PELO: variants seen among roughly 807,000 people sequenced by gnomAD.
The protein encoded by PELO is protein pelota homolog.
PELO carries 19 observed loss-of-function variants against 25.9 expected under a neutral mutation model. The ratio of observed to expected loss-of-function variants is 0.73; its 90% CI spans 0.51 to 1.08. The LOEUF (loss-of-function observed/expected upper bound fraction) is 1.08, where lower values mean the gene tolerates loss of function less well. Ranked by LOEUF, PELO falls within the 50% of genes least tolerant of loss-of-function variation. The probability of loss-of-function intolerance (pLI) is 0.00; values close to 1 mark genes in which losing one functional copy is unlikely to be tolerated. For synonymous variants in PELO, 196 were observed against 192.2 expected, an observed-to-expected ratio of 1.02 and a Z score of -0.16; for missense variants, 498 against 491.4, an observed-to-expected ratio of 1.01 and a Z score of -0.13.
intron 1 of PELO, among the ~76,000 whole-genome samples, chr5:52,789,282 T>A (rs1748193211): frequency 6.6e-6 from 1 of 152,248 alleles, no homozygotes; most frequent in Middle Eastern, 3.4e-3. Context: ...ATCGATAGAA[T>A]CTCTGTGTGA....
rs1429785509 is a variant in PELO at position 52,796,987 on chromosome 5, G to T, written c.-510-2898G>T. On this transcript the variant is annotated intron_variant, in intron 1 of 2. Coordinates refer to ENST00000274311, the MANE Select transcript of PELO (RefSeq NM_015946.5). ...AGGTTACTTTCAAGGTGGAATATAG[G>T]GTGCCCTGAGGGGAAAAGTGGGAAG... Among the ~76,000 whole-genome samples the T allele has an allele frequency of 2.0e-5, 3 of 152,166 alleles. No homozygotes were observed. In the East Asian group the frequency reaches 5.8e-4, roughly 29 times the overall value.
In PELO at chr5:52,801,834, G is replaced by A; in HGVS notation, c.1152G>A (p.Glu384=). ...AAGAGGGTGATTCCAGTTCTGAAGA[G>A]GATTAATGATTGAAACTTAAAATTG... ...SDQEGDSSSE[E]D The change falls in exon 3 of 3, where the codon GAG becomes GAA. Residue 384 remains glutamate, a synonymous_variant. Coordinates refer to ENST00000274311, the MANE Select transcript of PELO (RefSeq NM_015946.5). 1.3e-6 allele frequency: 2 copies of A among 1,584,398 alleles called. No individual in the cohort carries two copies. Among genetic ancestry groups the A allele is most frequent in the Non-Finnish European group, 1.7e-6 (2 of 1,163,590 alleles).
intron 1 of PELO, among the ~76,000 whole-genome samples, chr5:52,789,761 C>G (rs1006299561): frequency 1.3e-5 from 2 of 152,148 alleles, no homozygotes; most frequent in African/African-American, 4.8e-5. Flanking sequence ...TGTGCAAAAT[C>G]TGAATACAGT....
At chr5:52,793,845 A>G (rs1039673342) in intron 1 of PELO, among the ~76,000 whole-genome samples, 1 of 152,048 alleles carries the variant, frequency 6.6e-6, no homozygotes, top group Non-Finnish European at 1.5e-5. Flanking sequence ...AAAGGTGACA[A>G]TAAAGTAATC....
In PELO at chr5:52,797,591, G is replaced by C. The variant is rs1580024304; in HGVS notation, c.-510-2294G>C. Among the ~76,000 whole-genome samples, 3 of 152,084 alleles carry C rather than the reference G, an allele frequency of 2.0e-5. No homozygotes were observed. The East Asian group carries it at 5.8e-4, about 29-fold the overall frequency. Reference sequence around the variant, plus strand: ...CAAGCTGTGAGTTTTTGTTTAGCTGGTAAAGGTGACAGTTGAGGGGAAGTG... The same window carrying C: ...CAAGCTGTGAGTTTTTGTTTAGCTGCTAAAGGTGACAGTTGAGGGGAAGTG... On this transcript the variant is annotated intron_variant, in intron 1 of 2. Coordinates refer to ENST00000274311, the MANE Select transcript of PELO (RefSeq NM_015946.5).
intron 1 of PELO, among the ~76,000 whole-genome samples, chr5:52,793,110 A>G (rs189314019): frequency 7.1e-4 from 108 of 152,120 alleles, no homozygotes; most frequent in African/African-American, 2.6e-3. Context: ...ATTGGACCCT[A>G]CCTTAGGACA....
rs1748444302 is a variant in PELO, at chr5:52,800,412, G to T, written c.18G>T (p.Lys6Asn). 1.9e-6 allele frequency: 3 copies of T among 1,614,006 alleles called. No individual in the cohort carries two copies. Among genetic ancestry groups the T allele is most frequent in the South Asian group, 1.1e-5 (1 of 91,062 alleles). ...CCTTGGCCATGAAGCTCGTGAGGAA[G>T]AACATCGAGAAGGACAATGCGGGCC... The part of the protein sequence containing the change: MKLVR[K>N]NIEKDNAGQV... The change falls in exon 2 of 3, where the codon AAG becomes AAT. Residue 6 changes from lysine (K) to asparagine (N), a missense_variant. By Grantham distance (94) the Lys-to-Asn change is moderately conservative. Transcript: ENST00000274311.
chr5:52,804,029 C>T lies in PELO; in HGVS notation c.*2189C>T, dbSNP rs1748542747. ...ATGAATTATTAAATAAAATTTAACTCATTTTTAAGAAATTACATTTTCTGT... is the reference window on the plus strand; with the variant it reads ...ATGAATTATTAAATAAAATTTAACTTATTTTTAAGAAATTACATTTTCTGT... On this transcript the variant is annotated 3_prime_UTR_variant, in exon 3 of 3. Coordinates refer to ENST00000274311, the MANE Select transcript of PELO (RefSeq NM_015946.5). 6.6e-6 allele frequency: 1 copy of T among 152,064 alleles called. No homozygotes were observed. The highest frequency in any genetic ancestry group is 2.4e-5 in the African/African-American group (1 of 41,390). The allele number at this position is 152,064 out of a possible 1,614,324, so 9.4% of individuals were successfully genotyped here.
intron 1 of PELO, among the ~76,000 whole-genome samples, chr5:52,792,293 C>T (rs1748257134): frequency 6.6e-6 from 1 of 152,094 alleles, no homozygotes; most frequent in Non-Finnish European, 1.5e-5. Flanking sequence ...AGGAAGTCAG[C>T]CACTTATTCA....
At position 52,803,956 on chromosome 5, in the gene PELO, C is replaced by CA. The variant is rs1288999209; in HGVS notation, c.*2117dup. On this transcript the variant is annotated 3_prime_UTR_variant, in exon 3 of 3. Coordinates refer to ENST00000274311, the MANE Select transcript of PELO (RefSeq NM_015946.5). ...AGGTCTTTCAAAAAAGTTAACTGGC[C>CA]ATACTCAACTGTCTATAAAACCTCT... The CA allele has an allele frequency of 9.9e-5, 15 of 152,102 alleles. No individual in the cohort carries two copies. Among genetic ancestry groups the CA allele is most frequent in the African/African-American group, 2.9e-4 (12 of 41,420 alleles). The allele number at this position is 152,102 out of a possible 1,614,324, so 9.4% of individuals were successfully genotyped here. A position where few individuals can be genotyped will look rare whatever the true frequency, so the allele number is the denominator to read the frequency against.
chr5:52,789,739 T>C (rs1185423910), intron 1 of PELO, among the ~76,000 whole-genome samples: 1 of 152,200 alleles, frequency 6.6e-6, no homozygotes, highest in Admixed American at 6.5e-5. Context: ...TTAGATTGTA[T>C]TTTGTTGTTT....
chr5:52,793,568 C>T (rs946302326), intron 1 of PELO, among the ~76,000 whole-genome samples: 3 of 151,980 alleles, frequency 2.0e-5, no homozygotes, highest in African/African-American at 7.2e-5. Flanking sequence ...AAATTACAAT[C>T]AATAATATAC....
intron 2 of PELO, 30 bp from the exon 3 acceptor site, chr5:52,801,379 T>G: frequency 6.4e-7 from 1 of 1,566,646 alleles, no homozygotes; most frequent in Non-Finnish European, 8.7e-7. Flanking sequence ...AGGAGATTAT[T>G]TTGCCTAACT....
chr5:52,800,126 G>C lies in PELO; in HGVS notation c.-269G>C. The C allele has an allele frequency of 2.3e-6, 1 of 429,974 alleles. No homozygotes were observed. Among genetic ancestry groups the C allele is most frequent in the Non-Finnish European group, 4.2e-6 (1 of 237,746 alleles). 26.6% of individuals were successfully genotyped at this position (429,974 alleles called of 1,614,324 possible). On this transcript the variant is annotated 5_prime_UTR_variant, in exon 2 of 3. Coordinates refer to ENST00000274311, the MANE Select transcript of PELO (RefSeq NM_015946.5). ...GTCAGCCCGCTGTTGCGTGCTGCCAGCGGGAACTGTGTAGGGGTAGATTTT... is the reference window on the plus strand; with the variant it reads ...GTCAGCCCGCTGTTGCGTGCTGCCACCGGGAACTGTGTAGGGGTAGATTTT...
intron 1 of PELO, among the ~76,000 whole-genome samples, chr5:52,790,900 A>C (rs1561208431): frequency 6.6e-6 from 1 of 152,126 alleles, no homozygotes. Flanking sequence ...CATAATCCTC[A>C]TGTTCATTTT....
chr5:52,798,345 G>C (rs1748386551), intron 1 of PELO, among the ~76,000 whole-genome samples: 1 of 152,122 alleles, frequency 6.6e-6, no homozygotes, highest in Non-Finnish European at 1.5e-5. Context: ...ATAAGTAGTG[G>C]TTCTTATTTG....
At chr5:52,797,880 A>G (rs1262825566) in intron 1 of PELO, among the ~76,000 whole-genome samples, 1 of 152,238 alleles carries the variant, frequency 6.6e-6, no homozygotes, top group Non-Finnish European at 1.5e-5. Flanking sequence ...GCTCTTCAAT[A>G]AAAACCTTTT....
Position 52,788,253 on chromosome 5 carries a change from C to G in PELO, c.-672C>G. On this transcript the variant is annotated 5_prime_UTR_variant, in exon 1 of 3. Coordinates refer to ENST00000274311, the MANE Select transcript of PELO (RefSeq NM_015946.5). ...GCCACTGGGGCAGAGGACTGGGAAC[C>G]GCGGCAGCGGGATAAGTGGCCCAGC... 1 of 916,966 alleles carries G rather than the reference C, an allele frequency of 1.1e-6. No individual in the cohort carries two copies. Among genetic ancestry groups the G allele is most frequent in the Non-Finnish European group, 1.5e-6 (1 of 656,604 alleles). The allele number at this position is 916,966 out of a possible 1,614,324, so 56.8% of individuals were successfully genotyped here.
Position 52,797,023 on chromosome 5 carries a change from A to G in PELO, c.-510-2862A>G, listed in dbSNP as rs568252297. 2.6e-5 allele frequency among the ~76,000 whole-genome samples: 4 copies of G among 152,218 alleles called. No homozygotes were observed. The South Asian group carries it at 8.3e-4, about 32-fold the overall frequency. On this transcript the variant is annotated intron_variant, in intron 1 of 2. Transcript: ENST00000274311. ...GGGAAAAGTGGGAAGTAAATTTGTA[A>G]GGCCAGTGCAAATTGGGATTGTAGA...
Sources: allele counts gnomAD v4.1 joint callset (sites outside exome capture counted in the v4.1 genomes callset), GRCh38; gene constraint gnomAD v4.1.1; transcripts MANE v1.5; gene names NCBI Gene and HGNC (gene_info 2026-07-23, HGNC 2026-07-21).